RABEP1: variants seen among roughly 807,000 people sequenced by gnomAD.
The protein encoded by RABEP1 is rab GTPase-binding effector protein 1.
RABEP1 carries 51 observed loss-of-function variants against 123.4 expected under a neutral mutation model. The observed-to-expected ratio is 0.41, with a 90% CI of 0.33 to 0.52. The LOEUF (loss-of-function observed/expected upper bound fraction) is 0.52, where lower values mean the gene tolerates loss of function less well. RABEP1 is among the 20% of genes least tolerant of loss of function. The pLI is 0.16. For missense variants in RABEP1, 888 were observed against 996.3 expected (o/e 0.89, Z 1.46); for synonymous variants, 347 against 355.2 (o/e 0.98, Z 0.26).
chr17:5,367,716 A>G (rs1345892212), intron 11 of RABEP1, among the ~76,000 whole-genome samples: 1 of 150,550 alleles, frequency 6.6e-6, no homozygotes, highest in Non-Finnish European at 1.5e-5. Context: ...TTTTTGTGCT[A>G]AATTCTGCAC....
intron 2 of RABEP1, among the ~76,000 whole-genome samples, chr17:5,315,988 A>G (rs976380318): frequency 1.3e-5 from 2 of 152,268 alleles, no homozygotes; most frequent in Non-Finnish European, 2.9e-5. Flanking sequence ...GATACTTCAT[A>G]AACACCATAG....
intron 13 of RABEP1, among the ~76,000 whole-genome samples, chr17:5,373,656 CAAG>C (rs1295700056): frequency 6.0e-5 from 9 of 150,914 alleles, no homozygotes; most frequent in South Asian, 4.2e-4. Context: ...TTCATCACCT[CAAG>C]TAGTAACTCC....
In RABEP1 at chr17:5,386,113, C is replaced by A; in HGVS notation, c.*2890C>A. ...ACCACACCAAAGGTCATCAAAACACCTTTTTATAAATTAGATAATTCTACC... is the reference window on the plus strand; with the variant it reads ...ACCACACCAAAGGTCATCAAAACACATTTTTATAAATTAGATAATTCTACC... On this transcript the variant is annotated 3_prime_UTR_variant, in exon 18 of 18. Transcript: ENST00000537505. 5.3e-6 allele frequency: 5 copies of A among 937,890 alleles called. No individual in the cohort carries two copies. Among genetic ancestry groups the A allele is most frequent in the East Asian group, 2.7e-5 (1 of 37,486 alleles). 58.1% of individuals were successfully genotyped at this position (937,890 alleles called of 1,614,324 possible).
intron 2 of RABEP1, among the ~76,000 whole-genome samples, chr17:5,323,405 T>G (rs1200652191): frequency 6.6e-6 from 1 of 152,096 alleles, no homozygotes; most frequent in Non-Finnish European, 1.5e-5. Flanking sequence ...AAGCATGAAG[T>G]TAAGTTTGTC....
At chr17:5,342,794 C>A (rs1196396449) in intron 5 of RABEP1, among the ~76,000 whole-genome samples, 2 of 152,128 alleles carry the variant, frequency 1.3e-5, no homozygotes, top group Non-Finnish European at 2.9e-5. Flanking sequence ...GCCTACCTAC[C>A]AGATAGCAGG....
intron 1 of RABEP1, among the ~76,000 whole-genome samples, chr17:5,303,451 A>G (rs1794224866): frequency 6.6e-6 from 1 of 152,060 alleles, no homozygotes; most frequent in Admixed American, 6.6e-5. Context: ...CACATTGACC[A>G]GGTTGGTCTT....
intron 10 of RABEP1, chr17:5,364,479 C>G (rs1909842843): frequency 6.6e-6 from 1 of 152,482 alleles, no homozygotes; most frequent in African/African-American, 2.4e-5. Context: ...CGCCTATAAT[C>G]CCAGCACTTT....
rs1286160282 is a variant in RABEP1, at chr17:5,384,602, A to C, written c.*1379A>C. 4.6e-6 allele frequency: 1 copy of C among 215,604 alleles called. No individual in the cohort carries two copies. The highest frequency in any genetic ancestry group is 9.3e-6 in the Non-Finnish European group (1 of 107,282). 13.4% of individuals were successfully genotyped at this position (215,604 alleles called of 1,614,324 possible). ...TTATAAATGAGGTCACTATGGACTTACCCTAAAGATCTTCTGTACTTCTGT... is the reference window on the plus strand; with the variant it reads ...TTATAAATGAGGTCACTATGGACTTCCCCTAAAGATCTTCTGTACTTCTGT... On this transcript the variant is annotated 3_prime_UTR_variant, in exon 18 of 18. Coordinates refer to ENST00000537505, the MANE Select transcript of RABEP1 (RefSeq NM_004703.6).
At position 5,350,681 on chromosome 17, in the gene RABEP1, A is replaced by T. The variant is rs375400713; in HGVS notation, c.963+52A>T. On this transcript the variant is annotated intron_variant, in intron 7 of 17. Transcript: ENST00000537505. ...TGCTTTGTCAGTAATGTCCCCCACCACATGTGATTGCATTACCTTATGTGT... is the reference window on the plus strand; with the variant it reads ...TGCTTTGTCAGTAATGTCCCCCACCTCATGTGATTGCATTACCTTATGTGT... 21 of 1,578,024 alleles carry T rather than the reference A, an allele frequency of 1.3e-5. No individual in the cohort carries two copies. The African/African-American group carries it at 2.6e-4, about 19-fold the overall frequency.
At chr17:5,379,977 T>C (rs1489302344) in intron 15 of RABEP1, among the ~76,000 whole-genome samples, 1 of 152,168 alleles carries the variant, frequency 6.6e-6, no homozygotes, top group Non-Finnish European at 1.5e-5. Flanking sequence ...ATCCATTCCC[T>C]CTTATTGGAG....
chr17:5,335,439 A>C, intron 4 of RABEP1, 95 bp downstream of exon 4: 7 of 1,065,036 alleles, frequency 6.6e-6, no homozygotes, highest in Non-Finnish European at 8.1e-6. Context: ...AAGTACTTTG[A>C]TATTTCCTGT....
At chr17:5,379,214 G>C (rs1430322607) in intron 15 of RABEP1, among the ~76,000 whole-genome samples, 1 of 152,160 alleles carries the variant, frequency 6.6e-6, no homozygotes, top group African/African-American at 2.4e-5. Flanking sequence ...TTCAGCTACT[G>C]GGCTCCTCAA....
chr17:5,386,170 G>A lies in RABEP1; in HGVS notation c.*2947G>A. 1 of 1,519,190 alleles carries A rather than the reference G, an allele frequency of 6.6e-7. No homozygotes were observed. The highest frequency in any genetic ancestry group is 9.1e-7 in the Non-Finnish European group (1 of 1,104,958). The allele number at this position is 1,519,190 out of a possible 1,614,324, so 94.1% of individuals were successfully genotyped here. ...ACAATATGGGTTTAAGCCTTCAATG[G>A]TGTTCAGTTCAGGTGTGAGTCAGCT... On this transcript the variant is annotated 3_prime_UTR_variant, in exon 18 of 18. Transcript: ENST00000537505.
intron 1 of RABEP1, among the ~76,000 whole-genome samples, chr17:5,308,024 T>G (rs951839123): frequency 6.6e-6 from 1 of 152,170 alleles, no homozygotes; most frequent in Non-Finnish European, 1.5e-5. Context: ...ATAGCAAGAT[T>G]GGCAGTAGGT....
At chr17:5,306,908 G>T (rs1322785547) in intron 1 of RABEP1, among the ~76,000 whole-genome samples, 1 of 152,186 alleles carries the variant, frequency 6.6e-6, no homozygotes, top group African/African-American at 2.4e-5. Context: ...GAGAATGGTT[G>T]TATGAGTACC....
intron 5 of RABEP1, among the ~76,000 whole-genome samples, chr17:5,343,638 T>C (rs1370207874): frequency 6.6e-6 from 1 of 151,724 alleles, no homozygotes; most frequent in Non-Finnish European, 1.5e-5. Context: ...TCCACCTTGT[T>C]GTCTTCAAAA....
intron 13 of RABEP1, among the ~76,000 whole-genome samples, chr17:5,375,237 T>TA (rs1187755977): frequency 6.6e-6 from 1 of 152,178 alleles, no homozygotes; most frequent in African/African-American, 2.4e-5. Flanking sequence ...TGTTATTTTT[T>TA]ATGTTTATTT....
rs1908768237 is a variant in RABEP1, at chr17:5,353,735, G to A, written c.964-624G>A. Among the ~76,000 whole-genome samples the A allele has an allele frequency of 1.3e-5, 2 of 152,030 alleles. 1 individual carries two copies. Among genetic ancestry groups the A allele is most frequent in the South Asian group, 4.2e-4 (2 of 4,818 alleles). ...ATGGTGGTGCATGCCTGTGATCCCG[G>A]CTACACGAGAGGATGAGGCAGGAGG... is the stretch of plus-strand genomic sequence containing the variant. On this transcript the variant is annotated intron_variant, in intron 7 of 17. Coordinates refer to ENST00000537505, the MANE Select transcript of RABEP1 (RefSeq NM_004703.6).
intron 1 of RABEP1, among the ~76,000 whole-genome samples, chr17:5,307,989 T>G (rs1455407702): frequency 6.6e-6 from 1 of 152,194 alleles, no homozygotes; most frequent in African/African-American, 2.4e-5. Flanking sequence ...TAGATTTTGC[T>G]TGTGACACTT....
Sources: allele counts gnomAD v4.1 joint callset (sites outside exome capture counted in the v4.1 genomes callset), GRCh38; gene constraint gnomAD v4.1.1; transcripts MANE v1.5; gene names NCBI Gene and HGNC (gene_info 2026-07-23, HGNC 2026-07-21).